POLG: variants seen among roughly 807,000 people sequenced by gnomAD.
POLG encodes the protein DNA polymerase gamma, catalytic subunit.
POLG carries 110 observed loss-of-function variants against 155.4 expected under a neutral mutation model. That is an observed-to-expected ratio of 0.71 (90% CI 0.61 to 0.83). The LOEUF is 0.83. Ranked by LOEUF, POLG falls within the 40% of genes least tolerant of loss-of-function variation. POLG has a pLI of 0.00. For synonymous variants in POLG, 701 were observed against 631.5 expected (o/e 1.11, Z -1.65); for missense variants, 1,685 against 1,627.5 (o/e 1.04, Z -0.61).
intron 20 of POLG, 89 bp downstream of exon 20, chr15:89,318,842 C>G: frequency 1.9e-6 from 3 of 1,569,306 alleles, no homozygotes; most frequent in Non-Finnish European, 2.6e-6. Flanking sequence ...CACTCTGGCC[C>G]TACCTACAAA....
intron 21 of POLG, 90 bp from the exon 22 acceptor site, chr15:89,317,626 C>G: frequency 7.7e-7 from 1 of 1,292,594 alleles, no homozygotes; most frequent in Non-Finnish European, 1.1e-6. Flanking sequence ...CCCCTTAGAG[C>G]AGGGCTTCCC....
chr15:89,327,548 A>G (rs545399299), intron 6 of POLG, among the ~76,000 whole-genome samples, 199 bp from the exon 7 acceptor site: 1 of 152,338 alleles, frequency 6.6e-6, no homozygotes, highest in African/African-American at 2.4e-5. Flanking sequence ...TCTTTCATCT[A>G]TAAAATGGGA....
intron 18 of POLG, 62 bp from the exon 19 acceptor site, chr15:89,319,412 G>A: frequency 1.9e-6 from 3 of 1,602,404 alleles, no homozygotes; most frequent in Non-Finnish European, 2.6e-6. Context: ...CTAGTGCCTT[G>A]GCAAGGAATG....
At chr15:89,320,474 A>G (rs941931895) in intron 18 of POLG, among the ~76,000 whole-genome samples, 1 of 152,226 alleles carries the variant, frequency 6.6e-6, no homozygotes, top group African/African-American at 2.4e-5. Flanking sequence ...CAACCCCTGT[A>G]TTATTGATTA....
rs1237375705 is a variant in POLG at position 89,334,797 on chromosome 15, T to G, written c.-284A>C. 6.6e-6 allele frequency: 1 copy of G among 152,320 alleles called. No homozygotes were observed. The highest frequency in any genetic ancestry group is 1.5e-5 in the Non-Finnish European group (1 of 68,088). The allele number at this position is 152,320 out of a possible 1,614,324, so 9.4% of individuals were successfully genotyped here. ...GTGGCCTCCACCCGGCCGGTCCGCT[T>G]CGCTGGCAGCCGCAACTTCCCGTCT... On this transcript the variant is annotated 5_prime_UTR_variant, in exon 1 of 23. Transcript: ENST00000268124.
In POLG at chr15:89,321,027, G is replaced by A. The variant is rs41544115; in HGVS notation, c.2735-15C>T. ...GGCTGTGCAGCCTGGAAGACAAGCA[G>A]GAGTGAGAAAAGCAGCTCAGGAACA... On this transcript the variant is annotated splice_polypyrimidine_tract_variant and intron_variant, in intron 17 of 22. Transcript: ENST00000268124. 7.1e-4 allele frequency: 1,153 copies of A among 1,614,136 alleles called. 11 individuals carry two copies. In the African/African-American group the frequency reaches 0.014, roughly 19 times the overall value.
intron 3 of POLG, 120 bp downstream of exon 3, chr15:89,329,961 G>T: frequency 1.2e-6 from 1 of 851,648 alleles, no homozygotes. Flanking sequence ...GATGCGCCTT[G>T]CGGCTTCAGC....
At position 89,330,068 on chromosome 15, in the gene POLG, C is replaced by A; in HGVS notation, c.855+13G>T. The A allele has an allele frequency of 6.2e-7, 1 of 1,612,072 alleles. No homozygotes were observed. The highest frequency in any genetic ancestry group is 1.1e-5 in the South Asian group (1 of 91,004). Reference sequence around the variant, plus strand: ...CCCATGCCAGAACCTGCAGTTGGCCCCAGGAACCTTACCTGGATCAGGTAC... The same window carrying A: ...CCCATGCCAGAACCTGCAGTTGGCCACAGGAACCTTACCTGGATCAGGTAC... On this transcript the variant is annotated intron_variant, in intron 3 of 22. Transcript: ENST00000268124.
In POLG at chr15:89,316,573, C is replaced by T. The variant is rs1437275334; in HGVS notation, c.*178G>A. The T allele has an allele frequency of 9.1e-6, 11 of 1,202,796 alleles. No individual in the cohort carries two copies. In the Admixed American group the frequency reaches 2.0e-4, roughly 22 times the overall value. The allele number at this position is 1,202,796 out of a possible 1,614,324, so 74.5% of individuals were successfully genotyped here. A position where few individuals can be genotyped will look rare whatever the true frequency, so the allele number is the denominator to read the frequency against. Reference sequence around the variant, plus strand: ...CGATGTTGGCATCTTGGTTCTGAACCCACTGAATTCAACTGCACCTTCAGT... The same window carrying T: ...CGATGTTGGCATCTTGGTTCTGAACTCACTGAATTCAACTGCACCTTCAGT... On this transcript the variant is annotated 3_prime_UTR_variant, in exon 23 of 23. Transcript: ENST00000268124.
rs1060500775 is a variant in POLG, at chr15:89,333,102, G to A, written c.653C>T (p.Ser218Leu). 5 of 1,516,276 alleles carry A rather than the reference G, an allele frequency of 3.3e-6. No individual in the cohort carries two copies. In the Admixed American group the frequency reaches 8.9e-5, roughly 27 times the overall value. 93.9% of individuals were successfully genotyped at this position (1,516,276 alleles called of 1,614,324 possible). Residue 218 changes from serine to leucine, a missense_variant, in exon 2 of 23, where the codon TCG becomes TTG. Physicochemically the swap from Ser to Leu is moderately radical, Grantham distance 145 (BLOSUM62 -2). This residue lies in a region of POLG where 1,210 missense variants were observed against 1,167.1 expected (regional missense o/e 1.04). Transcript: ENST00000268124. ...CAACCCTGCCCCTACTTACCAGGCCGAGGGGGATATGGCCACCGCCAATGT... is the reference window on the plus strand; with the variant it reads ...CAACCCTGCCCCTACTTACCAGGCCAAGGGGGATATGGCCACCGCCAATGT... ...CPTLAVAISP[S>L]AWYSWCSQRL...
chr15:89,327,689 C>T (rs368388096), intron 6 of POLG, among the ~76,000 whole-genome samples: 2 of 152,274 alleles, frequency 1.3e-5, no homozygotes, highest in South Asian at 2.1e-4. Context: ...AAACATCATG[C>T]CTGAACCTCA....
rs758435454 is a variant in POLG, at chr15:89,323,519, G to A, written c.2158-8C>T. 4 of 1,562,952 alleles carry A rather than the reference G, an allele frequency of 2.6e-6. No individual in the cohort carries two copies. Among genetic ancestry groups the A allele is most frequent in the South Asian group, 1.1e-5 (1 of 90,048 alleles). Reference sequence around the variant, plus strand: ...GGGGCCACCACGGGCAGTCTGTGAGGGCCACACACCTATATCAGGCCCTGC... The same window carrying A: ...GGGGCCACCACGGGCAGTCTGTGAGAGCCACACACCTATATCAGGCCCTGC... On this transcript the variant is annotated splice_region_variant and splice_polypyrimidine_tract_variant and intron_variant, in intron 12 of 22. Coordinates refer to ENST00000268124, the MANE Select transcript of POLG (RefSeq NM_002693.3).
At chr15:89,317,319 A>C in intron 22 of POLG, 57 bp downstream of exon 22, 1 of 1,570,874 alleles carries the variant, frequency 6.4e-7, no homozygotes, top group East Asian at 2.2e-5. Flanking sequence ...TCCAAGACCC[A>C]CTTTCTAGTC....
At position 89,325,501 on chromosome 15, in the gene POLG, T is replaced by G. The variant is rs568913937; in HGVS notation, c.1898A>C (p.Lys633Thr). 294 of 1,610,164 alleles carry G rather than the reference T, an allele frequency of 1.8e-4. 5 individuals are homozygous for G. The South Asian group carries it at 2.9e-3, about 16-fold the overall frequency. The change falls in exon 10 of 23, where the codon AAG (lysine) becomes ACG (threonine). Residue 633 changes from lysine to threonine, a missense_variant. Physicochemically the swap from Lys to Thr is moderately conservative, Grantham distance 78. Transcript: ENST00000268124. ...LVPGRRDNLA[K>T]LPTGTTLESA... is the part of the protein sequence containing the mutation. The stretch of plus-strand genomic sequence containing the variant: ...CTCCAGGGTGGTACCTGTCGGCAGC[T>G]TGGCCAGGTTGTCCCGCCGCCCAGG...
At chr15:89,317,826 A>G (rs1220766001) in intron 21 of POLG, 3 of 443,312 alleles carry the variant, frequency 6.8e-6, no homozygotes, top group Non-Finnish European at 1.3e-5. Context: ...CAATTGGGCC[A>G]GAGTTTGAAG....
chr15:89,321,357 G>T, intron 16 of POLG, 97 bp from the exon 17 acceptor site: 1 of 1,408,058 alleles, frequency 7.1e-7, no homozygotes, highest in Non-Finnish European at 9.9e-7. Flanking sequence ...CTGAGGGGAT[G>T]GCTTTAGAGA....
At chr15:89,323,255 A>C in intron 13 of POLG, 149 bp downstream of exon 13, 1 of 678,006 alleles carries the variant, frequency 1.5e-6, no homozygotes, top group Non-Finnish European at 2.7e-6. Context: ...AAGCTGAGAG[A>C]TGACAGTATG....
chr15:89,325,210 G>C (rs2055487289), intron 10 of POLG, among the ~76,000 whole-genome samples: 1 of 68,770 alleles, frequency 1.5e-5, no homozygotes, highest in East Asian at 3.6e-4. Context: ...GAGTGAGAGA[G>C]TGAGTGAGTG....
chr15:89,321,824 T>A lies in POLG; in HGVS notation c.2510A>T (p.Tyr837Phe), dbSNP rs778190998. 2 of 1,613,808 alleles carry A rather than the reference T, an allele frequency of 1.2e-6. No homozygotes were observed. Among genetic ancestry groups the A allele is most frequent in the South Asian group, 1.1e-5 (1 of 91,070 alleles). Reference protein sequence around the residue: ...RHPDYDEEGLYGAILPQVVTA... With the variant: ...RHPDYDEEGLFGAILPQVVTA... Reference sequence around the variant, plus strand: ...CACCACTTGGGGCAGGATGGCCCCATAGAGGCCTTCCTCATCATAGTCGGG... The same window carrying A: ...CACCACTTGGGGCAGGATGGCCCCAAAGAGGCCTTCCTCATCATAGTCGGG... The change falls in exon 16 of 23, where the codon TAT (tyrosine) becomes TTT (phenylalanine). Residue 837 changes from tyrosine (Y) to phenylalanine (F), a missense_variant. Tyr to Phe is a conservative substitution (Grantham distance 22, BLOSUM62 3). This residue lies in a region of POLG where 1,210 missense variants were observed against 1,167.1 expected (regional missense o/e 1.04). Coordinates refer to ENST00000268124, the MANE Select transcript of POLG (RefSeq NM_002693.3).
Sources: gnomAD v4.1 joint callset for allele counts (sites outside exome capture counted in the v4.1 genomes callset) on GRCh38, gnomAD v4.1.1 for gene constraint, gnomAD v4.1.1 regional missense constraint, MANE v1.5 for transcripts, NCBI Gene and HGNC (gene_info 2026-07-23, HGNC 2026-07-21) for gene names.